Variants in PCSK2 observed in about 807,000 individuals in gnomAD.
PCSK2 encodes the protein neuroendocrine convertase 2.
PCSK2 carries 14 observed loss-of-function variants against 69.7 expected under a neutral mutation model. That is an observed-to-expected ratio of 0.20 (90% CI 0.13 to 0.31). The LOEUF is 0.31. Among genes scored for constraint, PCSK2 ranks in the 10% least tolerant of loss-of-function variants. PCSK2 has a pLI of 1.00. For missense variants in PCSK2, 544 were observed against 842.5 expected (o/e 0.65, Z 4.39); for synonymous variants, 307 against 320.7 (o/e 0.96, Z 0.46).
chr20:17,358,508 A>G (rs1409915111), intron 3 of PCSK2, 68 bp downstream of exon 3: 15 of 864,788 alleles, frequency 1.7e-5, no homozygotes, highest in Non-Finnish European at 2.7e-5. Flanking sequence ...GAATTCCTGT[A>G]TCCTCATTAT....
rs965438562 is a variant in PCSK2 at position 17,325,683 on chromosome 20, G to A, written c.283-32644G>A. On this transcript the variant is annotated intron_variant, in intron 2 of 11. Coordinates refer to ENST00000262545, the MANE Select transcript of PCSK2 (RefSeq NM_002594.5). ...GCTGGGGTAAACTGTTCTAGATGAGGCTCAGCAGAAAGCGACAATGCTCCA... is the reference window on the plus strand; with the variant it reads ...GCTGGGGTAAACTGTTCTAGATGAGACTCAGCAGAAAGCGACAATGCTCCA... Among the ~76,000 whole-genome samples the A allele has an allele frequency of 2.0e-5, 3 of 152,364 alleles. No individual in the cohort carries two copies. In the East Asian group the frequency reaches 5.8e-4, roughly 29 times the overall value.
intron 7 of PCSK2, among the ~76,000 whole-genome samples, chr20:17,431,639 G>A (rs950576530): frequency 3.3e-5 from 5 of 152,152 alleles, no homozygotes; most frequent in African/African-American, 1.2e-4. Context: ...GACCACGTAC[G>A]CTGGTTCTAA....
chr20:17,335,654 TTCCCCCTAAG>T (rs1990328610), intron 2 of PCSK2, among the ~76,000 whole-genome samples: 1 of 151,694 alleles, frequency 6.6e-6, no homozygotes, highest in Non-Finnish European at 1.5e-5. Context: ...CCTCCCATCC[TTCCCCCTAAG>T]TCCCCCAAAG....
At chr20:17,411,915 C>T (rs1398637397) in intron 6 of PCSK2, among the ~76,000 whole-genome samples, 1 of 152,186 alleles carries the variant, frequency 6.6e-6, no homozygotes, top group African/African-American at 2.4e-5. Context: ...GAGTGGGCCT[C>T]CAACAGCCTG....
At chr20:17,357,345 A>G (rs1443715930) in intron 2 of PCSK2, among the ~76,000 whole-genome samples, 1 of 152,172 alleles carries the variant, frequency 6.6e-6, no homozygotes, top group Non-Finnish European at 1.5e-5. Flanking sequence ...GGACTTTGCT[A>G]TGGCATTTGT....
At chr20:17,416,298 G>T (rs1430435007) in intron 6 of PCSK2, among the ~76,000 whole-genome samples, 1 of 152,156 alleles carries the variant, frequency 6.6e-6, no homozygotes, top group Non-Finnish European at 1.5e-5. Context: ...CTAATATCCA[G>T]AATCTACAAA....
chr20:17,334,185 A>G (rs1022106890), intron 2 of PCSK2, among the ~76,000 whole-genome samples: 2 of 151,884 alleles, frequency 1.3e-5, no homozygotes, highest in Non-Finnish European at 2.9e-5. Flanking sequence ...TTTTCCAGAG[A>G]AGGTCTTTAT....
At chr20:17,230,496 C>T (rs1027588434) in intron 1 of PCSK2, among the ~76,000 whole-genome samples, 6 of 152,150 alleles carry the variant, frequency 3.9e-5, no homozygotes, top group African/African-American at 1.4e-4. Flanking sequence ...AAAATAATTG[C>T]TTTTCTACAT....
intron 1 of PCSK2, among the ~76,000 whole-genome samples, chr20:17,257,190 A>T (rs75440735): frequency 6.6e-6 from 1 of 152,244 alleles, no homozygotes; most frequent in Non-Finnish European, 1.5e-5. Context: ...ACCACTGGTC[A>T]TTAGAGAAGT....
At position 17,388,307 on chromosome 20, in the gene PCSK2, A is replaced by G. The variant is rs116908888; in HGVS notation, c.543+19030A>G. Among the ~76,000 whole-genome samples the G allele has an allele frequency of 4.5e-3, 681 of 152,240 alleles. 17 individuals are homozygous for G. The highest frequency in any genetic ancestry group is 0.032 in the East Asian group (168 of 5,178). ...AACATGCCTAGATTTGGCATTTTTCAAAGATTTGCCTGCTAAAGAGACAGA... is the reference window on the plus strand; with the variant it reads ...AACATGCCTAGATTTGGCATTTTTCGAAGATTTGCCTGCTAAAGAGACAGA... On this transcript the variant is annotated intron_variant, in intron 5 of 11. Transcript: ENST00000262545.
chr20:17,339,030 C>G (rs1201438443), intron 2 of PCSK2, among the ~76,000 whole-genome samples: 1 of 152,168 alleles, frequency 6.6e-6, no homozygotes, highest in East Asian at 1.9e-4. Flanking sequence ...TCATTAAGAA[C>G]AGCACACATT....
At chr20:17,367,505 A>C (rs978794155) in intron 4 of PCSK2, among the ~76,000 whole-genome samples, 4 of 152,240 alleles carry the variant, frequency 2.6e-5, no homozygotes, top group Non-Finnish European at 5.9e-5. Flanking sequence ...GTGGAACTGG[A>C]TCCACTGATT....
At chr20:17,381,756 C>T (rs538277899) in intron 5 of PCSK2, among the ~76,000 whole-genome samples, 4 of 152,060 alleles carry the variant, frequency 2.6e-5, no homozygotes, top group Non-Finnish European at 2.9e-5. Context: ...TATTGGACCA[C>T]CCTCCCTTTT....
At chr20:17,425,569 A>G (rs2032229910) in intron 6 of PCSK2, among the ~76,000 whole-genome samples, 1 of 152,230 alleles carries the variant, frequency 6.6e-6, no homozygotes, top group Non-Finnish European at 1.5e-5. Flanking sequence ...GGAATAATCA[A>G]TAGGAATAAG....
At chr20:17,302,517 C>G (rs1480006642) in intron 2 of PCSK2, among the ~76,000 whole-genome samples, 1 of 152,190 alleles carries the variant, frequency 6.6e-6, no homozygotes, top group Non-Finnish European at 1.5e-5. Context: ...ACCGAAAACA[C>G]TTTTGGAGCC....
chr20:17,244,327 G>A (rs1006055827), intron 1 of PCSK2, among the ~76,000 whole-genome samples: 3 of 152,114 alleles, frequency 2.0e-5, no homozygotes, highest in African/African-American at 7.2e-5. Context: ...TAACATTGAG[G>A]TCTCTCCCTC....
At chr20:17,411,364 A>G (rs2031868212) in intron 6 of PCSK2, among the ~76,000 whole-genome samples, 2 of 152,250 alleles carry the variant, frequency 1.3e-5, no homozygotes, top group African/African-American at 4.8e-5. Flanking sequence ...CAAACAGCAG[A>G]CCAGGAGATT....
intron 2 of PCSK2, among the ~76,000 whole-genome samples, chr20:17,285,052 G>A (rs951784503): frequency 2.0e-5 from 3 of 152,094 alleles, no homozygotes; most frequent in Non-Finnish European, 2.9e-5. Flanking sequence ...GGATGCCAGT[G>A]GTCAGGATCA....
At position 17,263,176 on chromosome 20, in the gene PCSK2, G is replaced by T. The variant is rs910689926; in HGVS notation, c.282+2832G>T. 9.2e-6 allele frequency: 9 copies of T among 973,136 alleles called. No homozygotes were observed. In the African/African-American group the frequency reaches 1.1e-4, roughly 11 times the overall value. 60.3% of individuals were successfully genotyped at this position (973,136 alleles called of 1,614,324 possible). On this transcript the variant is annotated intron_variant, in intron 2 of 11. Coordinates refer to ENST00000262545, the MANE Select transcript of PCSK2 (RefSeq NM_002594.5). ...CCCAAGGTACTTTTTGGCTTTTTTT[G>T]ACTTCAGACCAGAAATTTCAATGAT...
Sources: allele counts gnomAD v4.1 joint callset (sites outside exome capture counted in the v4.1 genomes callset), GRCh38; gene constraint gnomAD v4.1.1; transcripts MANE v1.5; gene names NCBI Gene and HGNC (gene_info 2026-07-23, HGNC 2026-07-21).